The following TTC39B variants were observed in gnomAD, a reference collection of about 807,000 sequenced individuals.
The protein encoded by TTC39B is tetratricopeptide repeat protein 39B.
A neutral mutation model predicts 96.6 loss-of-function variants in TTC39B; 92 were observed. The observed-to-expected ratio is 0.95, with a 90% CI of 0.80 to 1.13. The LOEUF is 1.13. Among genes scored for constraint, TTC39B ranks in the 50% most tolerant of loss-of-function variants. TTC39B has a pLI of 0.00. For missense variants in TTC39B, 955 were observed against 809.3 expected, an observed-to-expected ratio of 1.18 and a Z score of -2.18; for synonymous variants, 367 against 299.4, an observed-to-expected ratio of 1.23 and a Z score of -2.33.
intron 2 of TTC39B, among the ~76,000 whole-genome samples, chr9:15,261,808 T>C (rs1822957224): frequency 6.6e-6 from 1 of 152,172 alleles, no homozygotes; most frequent in Admixed American, 6.5e-5. Context: ...ACATGCCATA[T>C]CACAGTTAAT....
At chr9:15,265,684 C>G (rs543325556) in intron 2 of TTC39B, among the ~76,000 whole-genome samples, 1 of 152,298 alleles carries the variant, frequency 6.6e-6, no homozygotes, top group South Asian at 2.1e-4. Flanking sequence ...GTGGAAAAAC[C>G]TGACAAACAC....
chr9:15,172,772 T>C (rs995015141), intron 19 of TTC39B, among the ~76,000 whole-genome samples: 1 of 152,148 alleles, frequency 6.6e-6, no homozygotes, highest in Non-Finnish European at 1.5e-5. Context: ...CCTTGGCCCA[T>C]GGGTGAGCTA....
At chr9:15,288,783 T>G (rs2131598243) in intron 1 of TTC39B, among the ~76,000 whole-genome samples, 1 of 152,358 alleles carries the variant, frequency 6.6e-6, no homozygotes, top group East Asian at 1.9e-4. Context: ...CACCCCTGGA[T>G]GCTGCCGTGA....
At chr9:15,253,467 G>A (rs1002106905) in intron 2 of TTC39B, among the ~76,000 whole-genome samples, 3 of 152,220 alleles carry the variant, frequency 2.0e-5, no homozygotes, top group South Asian at 2.1e-4. Flanking sequence ...AAGGGAGCAC[G>A]GCCATGGGAC....
chr9:15,238,158 T>C (rs1163877020), intron 2 of TTC39B, among the ~76,000 whole-genome samples: 1 of 152,026 alleles, frequency 6.6e-6, no homozygotes, highest in Non-Finnish European at 1.5e-5. Flanking sequence ...GCCAACATCA[T>C]ATGGAATTGG....
At chr9:15,279,292 G>T (rs1257556079) in intron 1 of TTC39B, among the ~76,000 whole-genome samples, 1 of 152,216 alleles carries the variant, frequency 6.6e-6, no homozygotes, top group African/African-American at 2.4e-5. Context: ...TTTACTTGTA[G>T]CTCTGCTCCA....
chr9:15,249,254 C>G (rs974537657), intron 2 of TTC39B: 2 of 152,088 alleles, frequency 1.3e-5, no homozygotes, highest in African/African-American at 4.8e-5. Flanking sequence ...CTGCGTCACA[C>G]ACACAAAAAA....
At chr9:15,185,111 A>G (rs1367842014) in intron 16 of TTC39B, among the ~76,000 whole-genome samples, 169 bp downstream of exon 16, 1 of 152,198 alleles carries the variant, frequency 6.6e-6, no homozygotes, top group African/African-American at 2.4e-5. Context: ...AAAAACCATT[A>G]GCTACAGTTT....
At chr9:15,240,767 G>A (rs1203992743) in intron 2 of TTC39B, among the ~76,000 whole-genome samples, 1 of 152,100 alleles carries the variant, frequency 6.6e-6, no homozygotes, top group East Asian at 1.9e-4. Context: ...TGTTTCTCAT[G>A]TTATTTTAGA....
At chr9:15,214,397 G>A in intron 3 of TTC39B, 148 bp from the exon 4 acceptor site, 3 of 611,972 alleles carry the variant, frequency 4.9e-6, no homozygotes, top group Non-Finnish European at 8.4e-6. Context: ...CTGGAGACAG[G>A]ACAGGCTGGT....
chr9:15,166,619 TC>T (rs1294299225), exon 20 of TTC39B: 1 of 152,100 alleles, frequency 6.6e-6, no homozygotes, highest in East Asian at 1.9e-4. Context: ...CATTTCAAGT[TC>T]AACATTTCAA....
exon 9 of TTC39B, chr9:15,192,666 T>C (rs774157789): frequency 3.7e-6 from 6 of 1,614,060 alleles, no homozygotes; most frequent in Admixed American, 3.3e-5. Flanking sequence ...TTTGTTCTTC[T>C]GAATTTCATG....
chr9:15,244,882 T>C (rs1203115655), intron 2 of TTC39B, among the ~76,000 whole-genome samples: 1 of 152,236 alleles, frequency 6.6e-6, no homozygotes, highest in Non-Finnish European at 1.5e-5. Context: ...AACAAAGTTT[T>C]TCTAAAGACA....
intron 19 of TTC39B, among the ~76,000 whole-genome samples, chr9:15,173,751 C>A (rs1467496749): frequency 6.6e-6 from 1 of 152,196 alleles, no homozygotes; most frequent in Non-Finnish European, 1.5e-5. Context: ...TGACTGCAAT[C>A]TCTACATTCA....
intron 1 of TTC39B, among the ~76,000 whole-genome samples, chr9:15,284,788 T>C (rs1215122): frequency 0.68 from 103,907 of 151,986 alleles, 36,439 homozygotes; most frequent in East Asian, 0.9. Flanking sequence ...TTCTGAAGGA[T>C]TTAAATCTTT....
At chr9:15,201,477 C>T (rs949023239) in intron 7 of TTC39B, among the ~76,000 whole-genome samples, 20 of 152,270 alleles carry the variant, frequency 1.3e-4, no homozygotes, top group African/African-American at 4.6e-4. Context: ...CCAGACATGC[C>T]TCCTGGAAGC....
intron 8 of TTC39B, among the ~76,000 whole-genome samples, chr9:15,196,989 T>C (rs1032061819): frequency 2.8e-4 from 42 of 152,202 alleles, no homozygotes; most frequent in African/African-American, 1.0e-3. Context: ...AAAAAGATTA[T>C]GACTTGCTGA....
chr9:15,234,656 T>A (rs1821682090), intron 2 of TTC39B, among the ~76,000 whole-genome samples: 1 of 151,950 alleles, frequency 6.6e-6, no homozygotes, highest in Non-Finnish European at 1.5e-5. Context: ...GAAGTAGACA[T>A]GGGAGACTTT....
At chr9:15,198,046 T>G (rs557433692) in intron 8 of TTC39B, among the ~76,000 whole-genome samples, 1 of 151,976 alleles carries the variant, frequency 6.6e-6, no homozygotes. Flanking sequence ...AATAAGAATA[T>G]GAAAAATGGT....
Sources: allele counts gnomAD v4.1 joint callset (sites outside exome capture counted in the v4.1 genomes callset), GRCh38; gene constraint gnomAD v4.1.1; transcripts MANE v1.5; gene names NCBI Gene and HGNC (gene_info 2026-07-23, HGNC 2026-07-21).